ASTN1: variants seen among roughly 807,000 people sequenced by gnomAD.
ASTN1 encodes the protein astrotactin-1.
ASTN1 carries 41 observed loss-of-function variants against 140.7 expected under a neutral mutation model. The observed-to-expected ratio is 0.29, with a 90% CI of 0.23 to 0.38. The LOEUF (loss-of-function observed/expected upper bound fraction) is 0.38. ASTN1 is among the 10% of genes least tolerant of loss of function. The probability of loss-of-function intolerance (pLI) is 1.00; values close to 1 mark genes in which losing one functional copy is unlikely to be tolerated. For synonymous variants in ASTN1, 640 were observed against 652.2 expected (o/e 0.98, Z 0.29); for missense variants, 1,479 against 1,678.8 (o/e 0.88, Z 2.08).
chr1:176,978,631 G>A (rs1351776959), intron 8 of ASTN1, among the ~76,000 whole-genome samples: 3 of 152,164 alleles, frequency 2.0e-5, no homozygotes, highest in Non-Finnish European at 4.4e-5. Flanking sequence ...GTGTGTGGGG[G>A]TAAGGGGAGG....
intron 20 of ASTN1, among the ~76,000 whole-genome samples, chr1:176,878,378 G>T (rs1244302649): frequency 1.3e-5 from 2 of 151,644 alleles, no homozygotes; most frequent in East Asian, 3.9e-4. Context: ...GCCTGACCCT[G>T]ATTCCAAACT....
chr1:177,092,215 T>A (rs1279324883), intron 1 of ASTN1, among the ~76,000 whole-genome samples: 1 of 152,204 alleles, frequency 6.6e-6, no homozygotes, highest in Non-Finnish European at 1.5e-5. Flanking sequence ...GAAGTTGGAA[T>A]CTCATTGTGG....
chr1:177,081,038 G>A (rs571685912), intron 1 of ASTN1, among the ~76,000 whole-genome samples: 2 of 152,178 alleles, frequency 1.3e-5, no homozygotes, highest in African/African-American at 4.8e-5. Context: ...CTAGAAATTG[G>A]GGACCCATTT....
In ASTN1 at chr1:176,949,265, G is replaced by A. The variant is rs754319652; in HGVS notation, c.1974C>T (p.Gly658=). 34 of 1,613,980 alleles carry A rather than the reference G, an allele frequency of 2.1e-5. No individual in the cohort carries two copies. Among genetic ancestry groups the A allele is most frequent in the Admixed American group, 3.3e-5 (2 of 60,008 alleles). Residue 658 remains glycine, a synonymous_variant, in exon 12 of 23, where the codon GGC becomes GGT. Coordinates refer to ENST00000361833, the MANE Select transcript of ASTN1 (RefSeq NM_004319.3). ...GCTGGAGGCACAGCTGCTCACAGCC[G>A]CCGTTGAAGCCGTCGGAACAGTCCA... ...IGVDCSDGFN[G]GCEQLCLQQM...
At chr1:176,976,558 C>T (rs1167382223) in intron 8 of ASTN1, 5 of 152,266 alleles carry the variant, frequency 3.3e-5, no homozygotes, top group Non-Finnish European at 7.3e-5. Flanking sequence ...GATAGATCTC[C>T]ATTCAAGTCC....
chr1:176,925,998 G>A (rs989362386), intron 16 of ASTN1, among the ~76,000 whole-genome samples: 3 of 151,800 alleles, frequency 2.0e-5, no homozygotes, highest in Non-Finnish European at 2.9e-5. Context: ...TAGTAGAGAC[G>A]GGGTTTCACC....
intron 8 of ASTN1, among the ~76,000 whole-genome samples, chr1:176,995,769 G>C (rs1674410018): frequency 6.6e-6 from 1 of 152,176 alleles, no homozygotes; most frequent in South Asian, 2.1e-4. Flanking sequence ...TCTTTTGGTG[G>C]CTAGAGAGGA....
Position 177,089,087 on chromosome 1 carries a change from G to C in ASTN1, c.284-27822C>G, listed in dbSNP as rs183369053. Among the ~76,000 whole-genome samples the C allele has an allele frequency of 5.7e-4, 87 of 152,204 alleles. 1 individual carries two copies. The highest frequency in any genetic ancestry group is 5.6e-3 in the Admixed American group (85 of 15,282). On this transcript the variant is annotated intron_variant, in intron 1 of 22. Coordinates refer to ENST00000361833, the MANE Select transcript of ASTN1 (RefSeq NM_004319.3). ...AGGTGGTGAGCAAGCAAGAGAGGAC[G>C]CTGATTTTTCTTGGCTATATAACTA...
intron 16 of ASTN1, among the ~76,000 whole-genome samples, chr1:176,912,769 T>C (rs1046008890): frequency 6.6e-6 from 1 of 152,196 alleles, no homozygotes; most frequent in African/African-American, 2.4e-5. Flanking sequence ...AATTTAAAAA[T>C]CTAAAAGTAG....
chr1:177,057,424 T>C lies in ASTN1; in HGVS notation c.471+3654A>G, dbSNP rs114263231. On this transcript the variant is annotated intron_variant, in intron 2 of 22. Coordinates refer to ENST00000361833, the MANE Select transcript of ASTN1 (RefSeq NM_004319.3). ...TTATATTTTGTGTTAAAACAAAACA[T>C]AATATATGCAAAATATAGAAATAAA... Among the ~76,000 whole-genome samples the C allele has an allele frequency of 2.6e-3, 401 of 152,290 alleles. 1 individual carries two copies. Among genetic ancestry groups the C allele is most frequent in the African/African-American group, 7.8e-3 (324 of 41,562 alleles).
chr1:177,156,050 T>A (rs1683220106), intron 1 of ASTN1, among the ~76,000 whole-genome samples: 1 of 151,862 alleles, frequency 6.6e-6, no homozygotes, highest in Non-Finnish European at 1.5e-5. Flanking sequence ...GGCGGGCAGA[T>A]CACAAAGTCA....
At position 176,864,181 on chromosome 1, in the gene ASTN1, T is replaced by A; in HGVS notation, c.*103A>T. 1 of 1,505,046 alleles carries A rather than the reference T, an allele frequency of 6.6e-7. No individual in the cohort carries two copies. Among genetic ancestry groups the A allele is most frequent in the Non-Finnish European group, 8.8e-7 (1 of 1,134,128 alleles). The allele number at this position is 1,505,046 out of a possible 1,614,324, so 93.2% of individuals were successfully genotyped here. On this transcript the variant is annotated 3_prime_UTR_variant, in exon 23 of 23. Coordinates refer to ENST00000361833, the MANE Select transcript of ASTN1 (RefSeq NM_004319.3). ...CCTGGTTTCGATGTTGCTGTGGAGG[T>A]TTTCATGTTCCATTAAAAAATATTA...
chr1:176,934,469 A>G, intron 15 of ASTN1, 129 bp from the exon 16 acceptor site: 1 of 873,242 alleles, frequency 1.1e-6, no homozygotes, highest in Non-Finnish European at 1.7e-6. Flanking sequence ...GCTAGCTAGA[A>G]GTGTCTGGTG....
chr1:177,082,142 G>A (rs1679209873), intron 1 of ASTN1, among the ~76,000 whole-genome samples: 1 of 152,172 alleles, frequency 6.6e-6, no homozygotes, highest in Non-Finnish European at 1.5e-5. Context: ...GGACATGTCA[G>A]AAGTGCATAG....
intron 1 of ASTN1, among the ~76,000 whole-genome samples, chr1:177,155,271 A>G (rs1326195175): frequency 2.0e-5 from 3 of 152,214 alleles, no homozygotes; most frequent in Non-Finnish European, 4.4e-5. Flanking sequence ...GTTCTGTATG[A>G]TTCTATAACT....
intron 1 of ASTN1, among the ~76,000 whole-genome samples, chr1:177,068,141 G>A (rs1278701896): frequency 1.3e-5 from 2 of 152,178 alleles, no homozygotes; most frequent in Non-Finnish European, 2.9e-5. Flanking sequence ...ACTCTTTTGC[G>A]AAGATGTTCA....
intron 8 of ASTN1, among the ~76,000 whole-genome samples, chr1:176,969,727 T>C (rs1454928114): frequency 1.3e-5 from 2 of 152,238 alleles, no homozygotes; most frequent in Non-Finnish European, 2.9e-5. Flanking sequence ...CAGTCTCTTG[T>C]ATCCACTTTG....
At chr1:177,078,669 A>C (rs1422974077) in intron 1 of ASTN1, among the ~76,000 whole-genome samples, 1 of 152,120 alleles carries the variant, frequency 6.6e-6, no homozygotes, top group Non-Finnish European at 1.5e-5. Flanking sequence ...CCCTTTTTTC[A>C]GTCTGCAAAA....
chr1:176,919,628 T>G lies in ASTN1; in HGVS notation c.2671+14524A>C, dbSNP rs1670645896. On this transcript the variant is annotated intron_variant, in intron 16 of 22. Transcript: ENST00000361833. ...GAGTTGTAAACAAGTAGAGACAGAG[T>G]CCCTGCTCTCTAAGGGAAGAAGTAA... Among the ~76,000 whole-genome samples the G allele has an allele frequency of 2.0e-5, 3 of 151,838 alleles. No individual in the cohort carries two copies. The South Asian group carries it at 6.3e-4, about 32-fold the overall frequency.
Sources: gnomAD v4.1 joint callset for allele counts (sites outside exome capture counted in the v4.1 genomes callset) on GRCh38, gnomAD v4.1.1 for gene constraint, MANE v1.5 for transcripts, NCBI Gene and HGNC (gene_info 2026-07-23, HGNC 2026-07-21) for gene names.